Variants in ERF observed in about 807,000 individuals in gnomAD.
The protein encoded by ERF is ETS2 repressor factor.
Under a neutral mutation model 41.6 loss-of-function variants are expected in ERF, and 10 were observed. The ratio of observed to expected loss-of-function variants is 0.24; its 90% CI spans 0.15 to 0.41. The LOEUF is 0.41. Among genes scored for constraint, ERF ranks in the 10% least tolerant of loss-of-function variants. The probability of loss-of-function intolerance (pLI) is 1.00; values close to 1 mark genes in which losing one functional copy is unlikely to be tolerated. For missense variants in ERF, 621 were observed against 763.2 expected, an observed-to-expected ratio of 0.81 and a Z score of 2.19; for synonymous variants, 395 against 342.4, an observed-to-expected ratio of 1.15 and a Z score of -1.70.
At position 42,249,858 on chromosome 19, in the gene ERF, G is replaced by A; in HGVS notation, c.342C>T (p.Val114=). 6.2e-7 allele frequency: 1 copy of A among 1,614,128 alleles called. No individual in the cohort carries two copies. Among genetic ancestry groups the A allele is most frequent in the South Asian group, 1.1e-5 (1 of 91,070 alleles). ...YKFNFNKLVL[V]NYPFIDVGLA... ...ACCCCACATCAATGAATGGGTAATT[G>A]ACCAGCACCAGTTTGTTGAAATTGA... Residue 114 remains valine (V), a synonymous_variant, in exon 3 of 4, where the codon GTC becomes GTT. Transcript: ENST00000222329. The surrounding 1 kb of genome is among the most constrained non-coding windows in gnomAD (Gnocchi z 8.6).
At chr19:42,253,822 G>T (rs1428167873) in intron 1 of ERF, 18 of 978,602 alleles carry the variant, frequency 1.8e-5, no homozygotes, top group Non-Finnish European at 2.1e-5. Flanking sequence ...TGGGGTGGGT[G>T]GGCCGGTCGG....
rs2036511468 is a variant in ERF, at chr19:42,255,094, G to A, written c.-95C>T. On this transcript the variant is annotated 5_prime_UTR_variant, in exon 1 of 4. Coordinates refer to ENST00000222329, the MANE Select transcript of ERF (RefSeq NM_006494.4). ...GTCCCGCGCCCGTCGGGCCGCCCTC[G>A]CCGCCTCACCCGGCCTCGCCTCTCA... 2 of 1,130,486 alleles carry A rather than the reference G, an allele frequency of 1.8e-6. No homozygotes were observed. Among genetic ancestry groups the A allele is most frequent in the Non-Finnish European group, 1.1e-6 (1 of 886,958 alleles). 70.0% of individuals were successfully genotyped at this position (1,130,486 alleles called of 1,614,324 possible). A position where few individuals can be genotyped will look rare whatever the true frequency, so the allele number is the denominator to read the frequency against.
rs2036430545 is a variant in ERF at position 42,250,741 on chromosome 19, G to A, written c.23-176C>T. 6.6e-6 allele frequency among the ~76,000 whole-genome samples: 1 copy of A among 152,230 alleles called. No individual in the cohort carries two copies. Among genetic ancestry groups the A allele is most frequent in the South Asian group, 2.1e-4 (1 of 4,832 alleles). ...GCGTGTCTGTCTGTCTGCATGTGAG[G>A]GGCTAGACAGGAGCTGGGGGGGAGG... On this transcript the variant is annotated intron_variant, in intron 1 of 3. Transcript: ENST00000222329. This position sits in a 1 kb window ranked among gnomAD's most constrained non-coding sequence, Gnocchi z 5.1.
Position 42,248,358 on chromosome 19 carries a change from G to C in ERF, c.*107C>G. ...AATGTGGGGAGGGAAAAGGGAGGAG[G>C]CAGGGAAGAGACAAGAGAGCTGCCC... On this transcript the variant is annotated 3_prime_UTR_variant, in exon 4 of 4. Coordinates refer to ENST00000222329, the MANE Select transcript of ERF (RefSeq NM_006494.4). This position sits in a 1 kb window ranked among gnomAD's most constrained non-coding sequence, Gnocchi z 4.2. 1 of 991,484 alleles carries C rather than the reference G, an allele frequency of 1.0e-6. No homozygotes were observed. The highest frequency in any genetic ancestry group is 2.9e-5 in the East Asian group (1 of 34,190). The allele number at this position is 991,484 out of a possible 1,614,324, so 61.4% of individuals were successfully genotyped here.
chr19:42,249,862 A>G lies in ERF; in HGVS notation c.338T>C (p.Leu113Pro). The G allele has an allele frequency of 1.2e-6, 2 of 1,614,152 alleles. No individual in the cohort carries two copies. Among genetic ancestry groups the G allele is most frequent in the Non-Finnish European group, 1.7e-6 (2 of 1,180,018 alleles). The part of the protein sequence containing the change: ...TYKFNFNKLV[L>P]VNYPFIDVGL... ...CACATCAATGAATGGGTAATTGACC[A>G]GCACCAGTTTGTTGAAATTGAACTT... The change falls in exon 3 of 4, where the codon CTG (leucine) becomes CCG (proline). Residue 113 changes from leucine (L) to proline (P), a missense_variant. Physicochemically the swap from Leu to Pro is moderately conservative, Grantham distance 98. Coordinates refer to ENST00000222329, the MANE Select transcript of ERF (RefSeq NM_006494.4). The surrounding 1 kb of genome is among the most constrained non-coding windows in gnomAD (Gnocchi z 8.6).
chr19:42,248,589 C>CCCTCAT lies in ERF; in HGVS notation c.1517_1522dup (p.Asp506_Glu507dup), dbSNP rs2036373470. ...CTCCCCACGCACCTTCTTGTCCTCA[C>CCCTCAT]CCTCATCCTCAAAGCCCCCAGCGGG... On this transcript the variant is annotated inframe_insertion, in exon 4 of 4. Coordinates refer to ENST00000222329, the MANE Select transcript of ERF (RefSeq NM_006494.4). The surrounding 1 kb of genome is among the most constrained non-coding windows in gnomAD (Gnocchi z 4.2). 1 of 1,585,380 alleles carries CCCTCAT rather than the reference C, an allele frequency of 6.3e-7. No individual in the cohort carries two copies. The highest frequency in any genetic ancestry group is 2.2e-5 in the East Asian group (1 of 44,576).
chr19:42,253,370 G>T (rs528071154), intron 1 of ERF, among the ~76,000 whole-genome samples: 1 of 152,256 alleles, frequency 6.6e-6, no homozygotes, highest in South Asian at 2.1e-4. Flanking sequence ...GAGGCAGACG[G>T]GAAAGATGCA....
Position 42,250,192 on chromosome 19 carries a change from C to T in ERF, c.257+139G>A, listed in dbSNP as rs531439905. Reference sequence around the variant, plus strand: ...TGTTACCAAGGGGCTCAGGGAAGGGCTGGGAGTGGCCCAAGGTCACACAGC... The same window carrying T: ...TGTTACCAAGGGGCTCAGGGAAGGGTTGGGAGTGGCCCAAGGTCACACAGC... On this transcript the variant is annotated intron_variant, in intron 2 of 3. Coordinates refer to ENST00000222329, the MANE Select transcript of ERF (RefSeq NM_006494.4). This position sits in a 1 kb window ranked among gnomAD's most constrained non-coding sequence, Gnocchi z 5.1. The T allele has an allele frequency of 1.5e-4, 146 of 969,106 alleles. 1 individual carries two copies. The African/African-American group carries it at 2.0e-3, about 13-fold the overall frequency. 60.0% of individuals were successfully genotyped at this position (969,106 alleles called of 1,614,324 possible).
chr19:42,249,425 A>G lies in ERF; in HGVS notation c.687T>C (p.Pro229=). Residue 229 remains proline, a synonymous_variant, in exon 4 of 4, where the codon CCT becomes CCC. Transcript: ENST00000222329. This position sits in a 1 kb window ranked among gnomAD's most constrained non-coding sequence, Gnocchi z 8.6. ...GPPLARLPHD[P]GVFRVYPRPR... is the part of the protein sequence containing the mutation. ...GCCGGGGATAGACTCGGAAGACACC[A>G]GGGTCATGGGGCAGGCGGGCCAGCG... is the stretch of plus-strand genomic sequence containing the variant. The G allele has an allele frequency of 6.3e-7, 1 of 1,590,740 alleles. No individual in the cohort carries two copies. The highest frequency in any genetic ancestry group is 1.1e-5 in the South Asian group (1 of 88,414).
intron 1 of ERF, 87 bp downstream of exon 1, chr19:42,254,891 C>T: frequency 7.1e-7 from 1 of 1,414,258 alleles, no homozygotes; most frequent in South Asian, 1.4e-5. Flanking sequence ...CTCGGGCTCC[C>T]CCGGACCCCT....
In ERF at chr19:42,248,988, A is replaced by C. The variant is rs759487353; in HGVS notation, c.1124T>G (p.Phe375Cys). The C allele has an allele frequency of 4.4e-6, 7 of 1,608,066 alleles. No homozygotes were observed. Among genetic ancestry groups the C allele is most frequent in the Non-Finnish European group, 5.9e-6 (7 of 1,179,302 alleles). The stretch of plus-strand genomic sequence containing the variant: ...TGGGGGCGGCTGGAGCTTAAACTTG[A>C]ATGGGGAGGAAGAAGAAGAAGAGGA... ...SSSSSSSSSP[F>C]KFKLQPPPLG... is the part of the protein sequence containing the mutation. Residue 375 changes from phenylalanine (F) to cysteine (C), a missense_variant, in exon 4 of 4, where the codon TTC becomes TGC. This residue lies in a region of ERF where 569 missense variants were observed against 625.5 expected (regional missense o/e 0.91). Coordinates refer to ENST00000222329, the MANE Select transcript of ERF (RefSeq NM_006494.4). The surrounding 1 kb of genome is among the most constrained non-coding windows in gnomAD (Gnocchi z 4.2).
In ERF at chr19:42,248,808, G is replaced by A. The variant is rs773915281; in HGVS notation, c.1304C>T (p.Ser435Leu). ...IKVEPISEGE[S>L]EEVEVTDISD... ...GATGTCAGTCACCTCTACCTCCTCC[G>A]ACTCGCCTTCCGAGATGGGCTCCAC... Residue 435 changes from serine (S) to leucine (L), a missense_variant, in exon 4 of 4, where the codon TCG (serine) becomes TTG (leucine). Ser to Leu is a moderately radical substitution (Grantham distance 145). Coordinates refer to ENST00000222329, the MANE Select transcript of ERF (RefSeq NM_006494.4). This position sits in a 1 kb window ranked among gnomAD's most constrained non-coding sequence, Gnocchi z 4.2. The A allele has an allele frequency of 6.2e-6, 10 of 1,613,268 alleles. No homozygotes were observed. Among genetic ancestry groups the A allele is most frequent in the South Asian group, 2.2e-5 (2 of 91,070 alleles).
rs1211859850 is a variant in ERF at position 42,248,731 on chromosome 19, G to A, written c.1381C>T (p.Pro461Ser). ...CCGGGCTCAGGCTTAGGGGGTGCAG[G>A]TGGGGCACGGGGCGTCTTGAACACC... ...GEVFKTPRAP[P>S]APPKPEPGEA... The change falls in exon 4 of 4, where the codon CCT becomes TCT. Residue 461 changes from proline to serine, a missense_variant. Physicochemically the swap from Pro to Ser is moderately conservative, Grantham distance 74. Around this residue, in one of 3 missense-constraint regions of ERF, gnomAD observed 569 missense variants for 625.5 expected, o/e 0.91. Coordinates refer to ENST00000222329, the MANE Select transcript of ERF (RefSeq NM_006494.4). This position sits in a 1 kb window ranked among gnomAD's most constrained non-coding sequence, Gnocchi z 4.2. The A allele has an allele frequency of 1.9e-6, 3 of 1,613,520 alleles. No homozygotes were observed. The highest frequency in any genetic ancestry group is 3.3e-5 in the Admixed American group (2 of 60,004).
At chr19:42,254,886 G>A in intron 1 of ERF, 92 bp downstream of exon 1, 2 of 1,383,284 alleles carry the variant, frequency 1.4e-6, no homozygotes, top group Non-Finnish European at 1.9e-6. Flanking sequence ...GATCACTCGG[G>A]CTCCCCCGGA....
intron 1 of ERF, among the ~76,000 whole-genome samples, chr19:42,251,065 A>G (rs903313474): frequency 4.6e-5 from 7 of 151,128 alleles, no homozygotes; most frequent in Admixed American, 2.0e-4. Context: ...AAGACCTGAG[A>G]GGAAGATTTT....
chr19:42,253,723 A>C (rs553265722), intron 1 of ERF: 2 of 363,476 alleles, frequency 5.5e-6, no homozygotes, highest in South Asian at 1.9e-4. Flanking sequence ...GCCGGATCCC[A>C]GCTCGGAGCC....
rs751885417 is a variant in ERF at position 42,250,342 on chromosome 19, G to A, written c.246C>T (p.Ser82=). 3.7e-6 allele frequency: 6 copies of A among 1,614,024 alleles called. No individual in the cohort carries two copies. The South Asian group carries it at 6.6e-5, about 18-fold the overall frequency. The change falls in exon 2 of 4, where the codon AGC becomes AGT. Residue 82 remains serine, a synonymous_variant. Coordinates refer to ENST00000222329, the MANE Select transcript of ERF (RefSeq NM_006494.4). This position sits in a 1 kb window ranked among gnomAD's most constrained non-coding sequence, Gnocchi z 5.1. ...CAGCCCGTCCTCACCGCAGGGCCCG[G>A]CTCAGCTTGTCGTAATTCATCTGGG... ...CKPQMNYDKL[S]RALRYYYNKR...
chr19:42,253,767 G>GGGGGATGGGGAT (rs1471237332), intron 1 of ERF: 1 of 676,646 alleles, frequency 1.5e-6, no homozygotes, highest in African/African-American at 2.0e-5. Flanking sequence ...CCGCCGAGCA[G>GGGGGATGGGGAT]GGGGATGGGG....
chr19:42,253,863 G>A lies in ERF; in HGVS notation c.22+1115C>T, dbSNP rs1028555377. 2.1e-5 allele frequency: 22 copies of A among 1,065,296 alleles called. No individual in the cohort carries two copies. In the East Asian group the frequency reaches 1.2e-3, roughly 59 times the overall value. 66.0% of individuals were successfully genotyped at this position (1,065,296 alleles called of 1,614,324 possible). On this transcript the variant is annotated intron_variant, in intron 1 of 3. Coordinates refer to ENST00000222329, the MANE Select transcript of ERF (RefSeq NM_006494.4). The stretch of plus-strand genomic sequence containing the variant: ...ACACCCGCACACAGGAGCCCGAGCC[G>A]CCGCCGCCGCCGCCGCCGCCGCCGG...
Sources: allele counts gnomAD v4.1 joint callset (sites outside exome capture counted in the v4.1 genomes callset), GRCh38; gene constraint gnomAD v4.1.1; regional missense constraint gnomAD v4.1.1; non-coding constraint Gnocchi (gnomAD v3.1); transcripts MANE v1.5; gene names NCBI Gene and HGNC (gene_info 2026-07-23, HGNC 2026-07-21).